ADGRL2: variants seen among roughly 807,000 people sequenced by gnomAD.
The protein encoded by ADGRL2 is adhesion G protein-coupled receptor L2, also known as calcium-independent alpha-latrotoxin receptor 2.
Under a neutral mutation model 157.4 loss-of-function variants are expected in ADGRL2, and 44 were observed. The observed-to-expected ratio is 0.28, with a 90% CI of 0.22 to 0.36. The LOEUF (loss-of-function observed/expected upper bound fraction) is 0.36, where lower values mean the gene tolerates loss of function less well. Ranked by LOEUF, ADGRL2 falls within the 10% of genes least tolerant of loss-of-function variation. The pLI is 1.00. For synonymous variants in ADGRL2, 585 were observed against 624.7 expected (o/e 0.94, Z 0.95); for missense variants, 1,510 against 1,768.9 (o/e 0.85, Z 2.63).
In ADGRL2 at chr1:81,737,462, G is replaced by GC. The variant is rs560496139; in HGVS notation, c.-142-24344dup. Among the ~76,000 whole-genome samples, 33 of 152,174 alleles carry GC rather than the reference G, an allele frequency of 2.2e-4. 1 individual carries two copies. The East Asian group carries it at 5.8e-3, about 27-fold the overall frequency. Reference sequence around the variant, plus strand: ...TCATAAGAATAACAAGGGGAAATCTGCCCCCATGATCCAGTCACCTCCCAC... The same window carrying GC: ...TCATAAGAATAACAAGGGGAAATCTGCCCCCCATGATCCAGTCACCTCCCAC... On this transcript the variant is annotated intron_variant, in intron 1 of 20. Transcript: ENST00000359929.
chr1:81,644,772 T>C (rs2148816427), intron 3 of ADGRL2, among the ~76,000 whole-genome samples: 1 of 152,338 alleles, frequency 6.6e-6, no homozygotes, highest in African/African-American at 2.4e-5. Context: ...TTCAGGATGC[T>C]AACAATGGAG....
intron 1 of ADGRL2, among the ~76,000 whole-genome samples, chr1:81,414,543 G>A (rs1386405220): frequency 6.6e-6 from 1 of 152,212 alleles, no homozygotes; most frequent in Admixed American, 6.5e-5. Context: ...CTGGTGGGTG[G>A]TGCAAGGGAG....
chr1:81,587,374 A>G (rs2081048758), intron 3 of ADGRL2, among the ~76,000 whole-genome samples: 1 of 152,140 alleles, frequency 6.6e-6, no homozygotes, highest in African/African-American at 2.4e-5. Context: ...TAATTTCACA[A>G]AAAAGTTAAT....
At chr1:81,455,555 G>A (rs981186669) in intron 2 of ADGRL2, among the ~76,000 whole-genome samples, 8 of 152,174 alleles carry the variant, frequency 5.3e-5, no homozygotes, top group African/African-American at 1.7e-4. Context: ...GCACAGAGGT[G>A]TGTTACATAT....
At chr1:81,378,045 G>A (rs2076280029) in intron 1 of ADGRL2, among the ~76,000 whole-genome samples, 1 of 151,842 alleles carries the variant, frequency 6.6e-6, no homozygotes, top group African/African-American at 2.4e-5. Flanking sequence ...TGGGCGTGGT[G>A]GTGCACACCT....
intron 14 of ADGRL2, among the ~76,000 whole-genome samples, chr1:81,968,769 A>T (rs915368291): frequency 1.3e-5 from 2 of 152,218 alleles, no homozygotes; most frequent in African/African-American, 2.4e-5. Flanking sequence ...CAAAACCCCA[A>T]GGAGAAAATA....
chr1:81,734,925 C>G (rs1277170005), intron 1 of ADGRL2, among the ~76,000 whole-genome samples: 1 of 142,652 alleles, frequency 7.0e-6, no homozygotes, highest in African/African-American at 2.5e-5. Context: ...CCCAGCTACT[C>G]GGAAGGCTGA....
intron 2 of ADGRL2, among the ~76,000 whole-genome samples, chr1:81,499,073 A>G (rs1044354439): frequency 2.0e-5 from 3 of 152,246 alleles, no homozygotes; most frequent in Admixed American, 2.0e-4. Context: ...GATAATAAAG[A>G]CAGTTTGTTA....
intron 3 of ADGRL2, among the ~76,000 whole-genome samples, chr1:81,594,429 AAGTTG>A (rs1248485751): frequency 6.6e-6 from 1 of 151,782 alleles, no homozygotes; most frequent in African/African-American, 2.4e-5. Flanking sequence ...TGGATAAGTC[AAGTTG>A]TCATTCTGCT....
chr1:81,963,327 G>A (rs1057254881), intron 11 of ADGRL2, among the ~76,000 whole-genome samples: 4 of 152,106 alleles, frequency 2.6e-5, no homozygotes, highest in African/African-American at 9.6e-5. Flanking sequence ...TTACTATGTA[G>A]TTAATTGTGT....
chr1:81,487,383 G>A (rs1465113524), intron 2 of ADGRL2, among the ~76,000 whole-genome samples: 1 of 152,108 alleles, frequency 6.6e-6, no homozygotes, highest in African/African-American at 2.4e-5. Flanking sequence ...GGTGGCTCAT[G>A]CCTCTAATCC....
rs183017605 is a variant in ADGRL2, at chr1:81,667,109, T to A, written c.-143+86129T>A. 2.6e-5 allele frequency among the ~76,000 whole-genome samples: 4 copies of A among 152,280 alleles called. No individual in the cohort carries two copies. In the East Asian group the frequency reaches 7.7e-4, roughly 29 times the overall value. ...GCAATGGGATATTTTTGCCTCTGAT[T>A]ACCTGTTGAGACCAAGACGAATTCA... On this transcript the variant is annotated intron_variant, in intron 3 of 24. Coordinates refer to the ADGRL2 transcript ENST00000370721.
intron 3 of ADGRL2, among the ~76,000 whole-genome samples, chr1:81,627,863 A>G (rs74853255): frequency 0.13 from 19,205 of 152,242 alleles, 1,665 homozygotes; most frequent in Non-Finnish European, 0.18. Flanking sequence ...AAGATGCCAC[A>G]GCCTGGCCAT....
At chr1:81,784,719 C>A (rs1402012357) in intron 2 of ADGRL2, among the ~76,000 whole-genome samples, 1 of 128,860 alleles carries the variant, frequency 7.8e-6, no homozygotes, top group Non-Finnish European at 1.6e-5. Flanking sequence ...CAGAGTGAGA[C>A]CCCGTCTCAA....
chr1:81,746,944 A>G (rs1179321864), intron 1 of ADGRL2, among the ~76,000 whole-genome samples: 2 of 145,880 alleles, frequency 1.4e-5, no homozygotes, highest in Non-Finnish European at 3.0e-5. Context: ...ACGTATACAC[A>G]TGTATGTATA....
chr1:81,907,712 G>C (rs764862344), intron 3 of ADGRL2, among the ~76,000 whole-genome samples: 6 of 151,972 alleles, frequency 3.9e-5, no homozygotes, highest in Non-Finnish European at 2.9e-5. Context: ...TCCACACACA[G>C]AGTGTTTCTC....
intron 1 of ADGRL2, among the ~76,000 whole-genome samples, chr1:81,756,389 C>A (rs1451036454): frequency 1.3e-5 from 2 of 152,088 alleles, no homozygotes; most frequent in African/African-American, 2.4e-5. Context: ...ATTTACCTGA[C>A]ATTGTTGCAT....
At position 81,519,841 on chromosome 1, in the gene ADGRL2, C is replaced by G. The variant is rs1460277460; in HGVS notation, c.-247-61035C>G. Among the ~76,000 whole-genome samples the G allele has an allele frequency of 2.6e-5, 4 of 152,214 alleles. No individual in the cohort carries two copies. The South Asian group carries it at 8.3e-4, about 32-fold the overall frequency. Reference sequence around the variant, plus strand: ...CTGATTTTGCTTGAGAAAAAAGTACCCAGCCCCAGAAGATAAATCAAGAAT... The same window carrying G: ...CTGATTTTGCTTGAGAAAAAAGTACGCAGCCCCAGAAGATAAATCAAGAAT... On this transcript the variant is annotated intron_variant, in intron 2 of 24. Coordinates refer to the ADGRL2 transcript ENST00000370721.
chr1:81,621,692 C>G (rs531526961), intron 3 of ADGRL2, among the ~76,000 whole-genome samples: 3 of 152,346 alleles, frequency 2.0e-5, no homozygotes, highest in South Asian at 2.1e-4. Flanking sequence ...CTGTTAGACC[C>G]TAAGAAGAGG....
Sources: allele counts gnomAD v4.1 joint callset (sites outside exome capture counted in the v4.1 genomes callset), GRCh38; gene constraint gnomAD v4.1.1; transcripts MANE v1.5; gene names NCBI Gene and HGNC (gene_info 2026-07-23, HGNC 2026-07-21).